The following FAAH2 variants were observed in gnomAD, a reference collection of about 807,000 sequenced individuals.
FAAH2 encodes the protein fatty acid amide hydrolase 2.
FAAH2 carries 60 observed loss-of-function variants against 36.9 expected under a neutral mutation model. The ratio of observed to expected loss-of-function variants is 1.63; its 90% CI spans 1.32 to 2.02. The LOEUF (loss-of-function observed/expected upper bound fraction) is 2.02, where lower values mean the gene tolerates loss of function less well. Among genes scored for constraint, FAAH2 ranks in the 30% most tolerant of loss-of-function variants. The pLI is 0.00. For synonymous variants in FAAH2, 214 were observed against 143.8 expected, an observed-to-expected ratio of 1.49 and a Z score of -3.49; for missense variants, 689 against 397.5, an observed-to-expected ratio of 1.73 and a Z score of -6.23.
the FAAH2 span, among the ~76,000 whole-genome samples, chrX:57,214,295 C>T: frequency 8.9e-6 from 1 of 111,989 alleles, no homozygotes; most frequent in African/African-American, 3.2e-5. Flanking sequence ...CATTTACTAC[C>T]AAGATTAATA....
At chrX:57,420,903 C>T (rs1446023671) in intron 7 of FAAH2, among the ~76,000 whole-genome samples, 1 of 111,862 alleles carries the variant, frequency 8.9e-6, no homozygotes, top group Non-Finnish European at 1.9e-5. Context: ...CCATCAGTAC[C>T]TAATTCATTG....
In FAAH2 at chrX:57,310,668, G is replaced by T; in HGVS notation, c.351G>T (p.Leu117=). Residue 117 remains leucine (L), a synonymous_variant, in exon 3 of 11, where the codon CTG becomes CTT. Transcript: ENST00000374900. ...AGAAGCAGGAAGATGAAGCCACCCTGGAAAATAAATGGCCCTTCCTTGGGG... is the reference window on the plus strand; with the variant it reads ...AGAAGCAGGAAGATGAAGCCACCCTTGAAAATAAATGGCCCTTCCTTGGGG... ...LAEKQEDEAT[L]ENKWPFLGVP... is the part of the protein sequence containing the mutation. The T allele has an allele frequency of 8.3e-7, 1 of 1,209,409 alleles. No individual in the cohort carries two copies. Among genetic ancestry groups the T allele is most frequent in the Non-Finnish European group, 1.1e-6 (1 of 894,336 alleles).
intron 10 of FAAH2, among the ~76,000 whole-genome samples, chrX:57,485,125 A>G (rs765964366): frequency 8.9e-5 from 10 of 111,851 alleles, no homozygotes; most frequent in Non-Finnish European, 1.9e-4. Context: ...CCAAAGTTGG[A>G]AAAATGGAAA....
chrX:57,223,378 G>A, the FAAH2 span, among the ~76,000 whole-genome samples: 3 of 111,688 alleles, frequency 2.7e-5, no homozygotes, highest in Non-Finnish European at 5.6e-5. Flanking sequence ...TCAAAAGCAA[G>A]GACCATGGTA....
the FAAH2 span, among the ~76,000 whole-genome samples, chrX:57,152,015 C>T: frequency 1.8e-5 from 2 of 111,897 alleles, no homozygotes; most frequent in Admixed American, 1.9e-4. Context: ...GCTACAGGTC[C>T]ACTCCAGACC....
the FAAH2 span, among the ~76,000 whole-genome samples, chrX:57,201,357 G>A: frequency 9.1e-6 from 1 of 110,354 alleles, no homozygotes; most frequent in African/African-American, 3.3e-5. Context: ...GGTGGAGTCT[G>A]CAGTGAGCCC....
intron 3 of FAAH2, among the ~76,000 whole-genome samples, chrX:57,322,680 G>A (rs2053066194): frequency 1.8e-5 from 2 of 110,761 alleles, no homozygotes; most frequent in African/African-American, 3.3e-5. Context: ...ATAATTCATG[G>A]AAGTTTTGTT....
the FAAH2 span, among the ~76,000 whole-genome samples, chrX:57,148,459 C>T: frequency 2.7e-5 from 3 of 110,662 alleles, no homozygotes; most frequent in Non-Finnish European, 5.7e-5. Context: ...TTGTAGTTCT[C>T]CTTGAAGAGG....
At chrX:57,347,939 C>T (rs1464704206) in intron 5 of FAAH2, among the ~76,000 whole-genome samples, 1 of 110,647 alleles carries the variant, frequency 9.0e-6, no homozygotes, top group Non-Finnish European at 1.9e-5. Flanking sequence ...CGTGACTCTT[C>T]TGCATTTCTG....
At chrX:57,378,889 AT>A in intron 6 of FAAH2, 103 bp downstream of exon 6, 1 of 994,976 alleles carries the variant, frequency 1.0e-6, no homozygotes, top group Non-Finnish European at 1.4e-6. Context: ...CAAGCAAATA[AT>A]TTTTACAGGT....
the FAAH2 span, among the ~76,000 whole-genome samples, chrX:57,255,968 A>G: frequency 8.9e-6 from 1 of 111,837 alleles, no homozygotes; most frequent in African/African-American, 3.3e-5. Flanking sequence ...TCCAAATAAA[A>G]AGAGAGGAAG....
chrX:57,127,588 T>C, the FAAH2 span, among the ~76,000 whole-genome samples: 1 of 112,151 alleles, frequency 8.9e-6, no homozygotes, highest in African/African-American at 3.2e-5. Flanking sequence ...TCACTTATTT[T>C]TTAAATGTCA....
intron 10 of FAAH2, among the ~76,000 whole-genome samples, chrX:57,476,557 GC>G (rs1469350731): frequency 1.8e-5 from 2 of 111,114 alleles, no homozygotes; most frequent in East Asian, 2.8e-4. Flanking sequence ...TGGTTTATAA[GC>G]TTTTTGATGT....
chrX:57,334,348 C>A (rs758384312), intron 4 of FAAH2, among the ~76,000 whole-genome samples: 14 of 107,940 alleles, frequency 1.3e-4, no homozygotes, highest in Admixed American at 1.1e-3. Flanking sequence ...CAACTTAAAT[C>A]TCTGTCTAGC....
intron 10 of FAAH2, among the ~76,000 whole-genome samples, chrX:57,450,169 T>C (rs1372376664): frequency 9.0e-6 from 1 of 110,652 alleles, no homozygotes; most frequent in Non-Finnish European, 1.9e-5. Context: ...CCCTCTAGTT[T>C]AGCCTTGAAC....
At chrX:57,241,707 C>T in the FAAH2 span, among the ~76,000 whole-genome samples, 1 of 111,716 alleles carries the variant, frequency 9.0e-6, no homozygotes, top group South Asian at 3.7e-4. Flanking sequence ...CTACCTTTCC[C>T]CTTGTGTCCA....
the FAAH2 span, among the ~76,000 whole-genome samples, chrX:57,159,447 T>C: frequency 2.7e-4 from 30 of 111,706 alleles, no homozygotes; most frequent in East Asian, 7.0e-3. Flanking sequence ...GCCATTTTCA[T>C]GATATTGATT....
chrX:57,301,651 T>G (rs1424706104), intron 2 of FAAH2, among the ~76,000 whole-genome samples: 1 of 106,939 alleles, frequency 9.4e-6, no homozygotes, highest in Non-Finnish European at 1.9e-5. Flanking sequence ...ATAAAAGAAA[T>G]ATCTTCACAT....
At chrX:57,418,486 G>T (rs1357198574) in intron 7 of FAAH2, among the ~76,000 whole-genome samples, 2 of 110,958 alleles carry the variant, frequency 1.8e-5, no homozygotes, top group Non-Finnish European at 3.8e-5. Context: ...AAGCGAGGGG[G>T]TTCCCTGACC....
Sources: allele counts gnomAD v4.1 joint callset (sites outside exome capture counted in the v4.1 genomes callset), GRCh38; gene constraint gnomAD v4.1.1; transcripts MANE v1.5; gene names NCBI Gene and HGNC (gene_info 2026-07-23, HGNC 2026-07-21).